Variants in EDAR observed in about 807,000 individuals in gnomAD.
EDAR encodes the protein ectodysplasin A receptor.
A neutral mutation model predicts 51.3 loss-of-function variants in EDAR; 38 were observed. The observed-to-expected ratio is 0.74, with a 90% confidence interval of 0.57 to 0.97. The LOEUF is 0.97. Among genes scored for constraint, EDAR ranks in the 50% least tolerant of loss-of-function variants. The probability of loss-of-function intolerance (pLI) is 0.00; values close to 1 mark genes in which losing one functional copy is unlikely to be tolerated. For synonymous variants in EDAR, 227 were observed against 242.1 expected (o/e 0.94, Z 0.58); for missense variants, 528 against 595.0 (o/e 0.89, Z 1.17).
chr2:108,909,908 G>A (rs184089820), intron 9 of EDAR, among the ~76,000 whole-genome samples: 4 of 152,314 alleles, frequency 2.6e-5, no homozygotes, highest in South Asian at 2.1e-4. Flanking sequence ...GACCTTGGGC[G>A]AGTGACAACT....
chr2:108,954,691 T>C (rs1697887410), intron 1 of EDAR, among the ~76,000 whole-genome samples: 1 of 150,996 alleles, frequency 6.6e-6, no homozygotes, highest in Non-Finnish European at 1.5e-5. Flanking sequence ...TTTTTTTTTT[T>C]CTGAGACAGA....
At chr2:108,918,228 A>G (rs758014532) in intron 5 of EDAR, among the ~76,000 whole-genome samples, 35 of 152,288 alleles carry the variant, frequency 2.3e-4, no homozygotes, top group Admixed American at 1.8e-3. Flanking sequence ...TGCAGCCCCC[A>G]GGATAGGCAC....
chr2:108,915,762 T>C (rs1416374673), intron 5 of EDAR, among the ~76,000 whole-genome samples: 2 of 152,062 alleles, frequency 1.3e-5, no homozygotes, highest in African/African-American at 4.8e-5. Flanking sequence ...CTGGGCCTGG[T>C]GGCAGGTGCC....
intron 1 of EDAR, among the ~76,000 whole-genome samples, chr2:108,949,871 G>A (rs776375421): frequency 2.0e-5 from 3 of 152,338 alleles, no homozygotes; most frequent in East Asian, 1.9e-4. Context: ...AATAACCTCC[G>A]AGTAATATGT....
chr2:108,974,329 C>CAAAAAAAAAAAAAAAAAAAAAAAAAAA (rs11346592), intron 1 of EDAR, among the ~76,000 whole-genome samples: 1 of 61,496 alleles, frequency 1.6e-5, no homozygotes. Flanking sequence ...GGATCCGTCT[C>CAAAAAAAAAAAAAAAAAAAAAAAAAAA]AAAAAAAAAA....
intron 1 of EDAR, among the ~76,000 whole-genome samples, chr2:108,977,470 C>T (rs1226374880): frequency 6.6e-6 from 1 of 152,190 alleles, no homozygotes; most frequent in African/African-American, 2.4e-5. Flanking sequence ...CGCGGTTTCA[C>T]TGTGTTCGCC....
intron 10 of EDAR, 127 bp from the exon 11 acceptor site, chr2:108,906,495 G>C (rs1001585061): frequency 4.2e-6 from 4 of 959,568 alleles, no homozygotes; most frequent in Non-Finnish European, 4.9e-6. Flanking sequence ...CACAGCCCCC[G>C]TGTCAGCAGC....
At chr2:108,965,274 G>A (rs1180199720) in intron 1 of EDAR, among the ~76,000 whole-genome samples, 3 of 152,014 alleles carry the variant, frequency 2.0e-5, no homozygotes, top group Non-Finnish European at 4.4e-5. Context: ...TCAGGAGATC[G>A]AGACCATCCT....
At chr2:108,919,779 C>T (rs911726422) in intron 5 of EDAR, among the ~76,000 whole-genome samples, 2 of 152,024 alleles carry the variant, frequency 1.3e-5, no homozygotes, top group Non-Finnish European at 2.9e-5. Flanking sequence ...CTCCGTGGGG[C>T]ACCTGCCCTC....
Position 108,907,920 on chromosome 2 carries a change from G to A in EDAR, c.903C>T (p.Cys301=), listed in dbSNP as rs199544410. 1 of 1,613,664 alleles carries A rather than the reference G, an allele frequency of 6.2e-7. No homozygotes were observed. The highest frequency in any genetic ancestry group is 2.2e-5 in the East Asian group (1 of 44,866). The part of the protein sequence containing the change: ...APDKQGSPEL[C]LLSLVHLARE... Reference sequence around the variant, plus strand: ...TGGCCAGGTGAACCAGCGACAGCAGGCACAGCTCCGGGGAGCCCTGCTTGT... The same window carrying A: ...TGGCCAGGTGAACCAGCGACAGCAGACACAGCTCCGGGGAGCCCTGCTTGT... Residue 301 remains cysteine (C), a synonymous_variant, in exon 10 of 12, where the codon TGC becomes TGT. Transcript: ENST00000258443.
In EDAR at chr2:108,931,020, C is replaced by A. The variant is rs1320190246; in HGVS notation, c.-6G>T. The A allele has an allele frequency of 1.9e-6, 3 of 1,613,952 alleles. No individual in the cohort carries two copies. Among genetic ancestry groups the A allele is most frequent in the Non-Finnish European group, 2.5e-6 (3 of 1,180,042 alleles). ...CAGTCCCCCACATGGGCCATCCTCT[C>A]CCAAGGGCTCACCTGAAAGACATGC... On this transcript the variant is annotated 5_prime_UTR_variant, in exon 2 of 12. Transcript: ENST00000258443.
rs763990432 is a variant in EDAR, at chr2:108,967,734, A to C, written c.-19+21226T>G. On this transcript the variant is annotated intron_variant, in intron 1 of 11. Coordinates refer to ENST00000258443, the MANE Select transcript of EDAR (RefSeq NM_022336.4). Reference sequence around the variant, plus strand: ...TATCCCTCAAAGCTTCCAATAACACAGTCTATTGGGAAAAACTAGACGGTG... The same window carrying C: ...TATCCCTCAAAGCTTCCAATAACACCGTCTATTGGGAAAAACTAGACGGTG... Among the ~76,000 whole-genome samples the C allele has an allele frequency of 1.4e-4, 22 of 152,178 alleles. 1 individual carries two copies. Among genetic ancestry groups the C allele is most frequent in the Non-Finnish European group, 2.9e-4 (20 of 68,022 alleles).
chr2:108,925,940 T>A (rs1369573460), intron 4 of EDAR, among the ~76,000 whole-genome samples: 1 of 152,128 alleles, frequency 6.6e-6, no homozygotes. Flanking sequence ...AAAAAAACAT[T>A]GGCTCCAAGA....
Position 108,896,883 on chromosome 2 carries a change from G to C in EDAR, c.*24C>G, listed in dbSNP as rs1345919094. 6.2e-7 allele frequency: 1 copy of C among 1,602,086 alleles called. No homozygotes were observed. Among genetic ancestry groups the C allele is most frequent in the African/African-American group, 1.3e-5 (1 of 74,764 alleles). On this transcript the variant is annotated 3_prime_UTR_variant, in exon 12 of 12. Coordinates refer to ENST00000258443, the MANE Select transcript of EDAR (RefSeq NM_022336.4). ...TCGTTGGCTCCTTGGCTTGTCCTGG[G>C]AGGACAGCCCACAGGCATGCTTTTC...
intron 1 of EDAR, among the ~76,000 whole-genome samples, chr2:108,942,446 G>C (rs552162680): frequency 6.6e-6 from 1 of 152,352 alleles, no homozygotes; most frequent in Admixed American, 6.5e-5. Flanking sequence ...GCATGGACTT[G>C]GTTTCATCCC....
chr2:108,971,850 A>G (rs1229395948), intron 1 of EDAR, among the ~76,000 whole-genome samples: 2 of 152,216 alleles, frequency 1.3e-5, no homozygotes, highest in Non-Finnish European at 1.5e-5. Context: ...GCCAACAGAA[A>G]AAAGGGCAGA....
intron 1 of EDAR, among the ~76,000 whole-genome samples, chr2:108,979,939 C>A (rs1033900442): frequency 1.3e-5 from 2 of 152,074 alleles, no homozygotes; most frequent in African/African-American, 4.8e-5. Context: ...GCTCTATTAT[C>A]CTGGCTGAGA....
At chr2:108,946,206 G>T (rs1197810626) in intron 1 of EDAR, among the ~76,000 whole-genome samples, 3 of 152,162 alleles carry the variant, frequency 2.0e-5, no homozygotes, top group African/African-American at 7.2e-5. Context: ...ATGCACCAGG[G>T]CATGACTGGG....
At position 108,923,650 on chromosome 2, in the gene EDAR, A is replaced by C. The variant is rs539905986; in HGVS notation, c.357-197T>G. The stretch of plus-strand genomic sequence containing the variant: ...TGTCTTGAAATGGAGCATTCTTTTA[A>C]CAATATTGAGCTGCCAACGTGGGCC... On this transcript the variant is annotated intron_variant, in intron 4 of 11. Transcript: ENST00000258443. Among the ~76,000 whole-genome samples, 3 of 152,316 alleles carry C rather than the reference A, an allele frequency of 2.0e-5. No homozygotes were observed. In the East Asian group the frequency reaches 5.8e-4, roughly 29 times the overall value.
Sources: allele counts gnomAD v4.1 joint callset (sites outside exome capture counted in the v4.1 genomes callset), GRCh38; gene constraint gnomAD v4.1.1; transcripts MANE v1.5; gene names NCBI Gene and HGNC (gene_info 2026-07-23, HGNC 2026-07-21).